The following LPP variants were observed in gnomAD, a reference collection of about 807,000 sequenced individuals.
LPP encodes the protein lipoma-preferred partner.
LPP carries 38 observed loss-of-function variants against 60.4 expected under a neutral mutation model. That is an observed-to-expected ratio of 0.63 (90% CI 0.49 to 0.83). The LOEUF (loss-of-function observed/expected upper bound fraction) is 0.83, where lower values mean the gene tolerates loss of function less well. Among genes scored for constraint, LPP ranks in the 40% least tolerant of loss-of-function variants. LPP has a pLI of 0.00. For synonymous variants in LPP, 328 were observed against 290.8 expected (o/e 1.13, Z -1.30); for missense variants, 902 against 783.6 (o/e 1.15, Z -1.80).
At chr3:188,255,306 A>T (rs1370513605) in intron 2 of LPP, among the ~76,000 whole-genome samples, 2 of 152,188 alleles carry the variant, frequency 1.3e-5, no homozygotes, top group Non-Finnish European at 2.9e-5. Flanking sequence ...GAGGAAACGG[A>T]GGCTCAGAGA....
chr3:188,354,851 G>A (rs1026651753), intron 3 of LPP, among the ~76,000 whole-genome samples: 10 of 45,354 alleles, frequency 2.2e-4, no homozygotes, highest in Middle Eastern at 0.011. Context: ...ACACACACAG[G>A]GAGGACAAAA....
intron 2 of LPP, chr3:188,240,292 C>T (rs756001765): frequency 6.0e-6 from 1 of 165,700 alleles, no homozygotes; most frequent in African/African-American, 2.4e-5. Flanking sequence ...TAGCTTACAG[C>T]TTGCCTAACA....
chr3:188,288,815 C>CT (rs1294372381), intron 2 of LPP, among the ~76,000 whole-genome samples: 2 of 44,162 alleles, frequency 4.5e-5, no homozygotes, highest in African/African-American at 3.7e-4. Context: ...CTCTCCACCC[C>CT]CCACCCCCCA....
Position 188,291,784 on chromosome 3 carries a change from G to T in LPP, c.-66-49879G>T, listed in dbSNP as rs1017063931. On this transcript the variant is annotated intron_variant, in intron 2 of 11. Transcript: ENST00000617246. ...ATCTCTATGATGTAGGCAAGGCAGG[G>T]TTTATCATTATTTCCCTTTTAGAAA... Among the ~76,000 whole-genome samples, 73 of 152,192 alleles carry T rather than the reference G, an allele frequency of 4.8e-4. 1 individual carries two copies. The highest frequency in any genetic ancestry group is 3.9e-4 in the East Asian group (2 of 5,188).
chr3:188,637,546 A>T (rs1323912536), intron 7 of LPP, among the ~76,000 whole-genome samples: 6 of 150,850 alleles, frequency 4.0e-5, no homozygotes, highest in Non-Finnish European at 8.9e-5. Context: ...ATACATAAAA[A>T]ACCCTTCAAA....
At chr3:188,433,248 C>T (rs1791398846) in intron 4 of LPP, among the ~76,000 whole-genome samples, 1 of 152,112 alleles carries the variant, frequency 6.6e-6, no homozygotes. Flanking sequence ...ATCACAACCA[C>T]CATTTCAAAG....
chr3:188,853,972 CA>C, intron 9 of LPP, among the ~76,000 whole-genome samples: 1 of 152,098 alleles, frequency 6.6e-6, no homozygotes, highest in East Asian at 1.9e-4. Flanking sequence ...CTTTTTCAAG[CA>C]GTGTGGGTTC....
chr3:188,670,958 T>C (rs1856838475), intron 7 of LPP, among the ~76,000 whole-genome samples: 1 of 152,216 alleles, frequency 6.6e-6, no homozygotes, highest in South Asian at 2.1e-4. Context: ...TGGGCAGTTA[T>C]AGGTTTCTAA....
At chr3:188,289,259 C>T (rs531816548) in intron 2 of LPP, among the ~76,000 whole-genome samples, 1 of 152,244 alleles carries the variant, frequency 6.6e-6, no homozygotes, top group African/African-American at 2.4e-5. Context: ...TACAGACTAG[C>T]TCAGACGTGG....
At chr3:188,501,179 A>G (rs960098646) in intron 5 of LPP, among the ~76,000 whole-genome samples, 1 of 152,004 alleles carries the variant, frequency 6.6e-6, no homozygotes, top group Non-Finnish European at 1.5e-5. Context: ...TTTAAATTTA[A>G]TGGTGTATAG....
chr3:188,416,042 C>A (rs1449584787), intron 4 of LPP, among the ~76,000 whole-genome samples: 1 of 151,788 alleles, frequency 6.6e-6, no homozygotes, highest in Non-Finnish European at 1.5e-5. Flanking sequence ...ATTTAGGGAA[C>A]CTGGGTAAAA....
chr3:188,799,093 A>T (rs540483227), intron 9 of LPP, among the ~76,000 whole-genome samples: 1 of 152,262 alleles, frequency 6.6e-6, no homozygotes, highest in Non-Finnish European at 1.5e-5. Flanking sequence ...ACTGCCTTTT[A>T]TCATGTTCTC....
chr3:188,814,468 T>C (rs1047502350), intron 9 of LPP, among the ~76,000 whole-genome samples: 1 of 152,210 alleles, frequency 6.6e-6, no homozygotes, highest in African/African-American at 2.4e-5. Context: ...GAAATGGCCC[T>C]AAGTTACAAC....
In LPP at chr3:188,878,129, T is replaced by G. The variant is rs1218764710; in HGVS notation, c.*3650T>G. 4.5e-6 allele frequency: 1 copy of G among 220,852 alleles called. No homozygotes were observed. The highest frequency in any genetic ancestry group is 9.1e-6 in the Non-Finnish European group (1 of 110,122). The allele number at this position is 220,852 out of a possible 1,614,324, so 13.7% of individuals were successfully genotyped here. A position where few individuals can be genotyped will look rare whatever the true frequency, so the allele number is the denominator to read the frequency against. ...TAGACAGGACTCTGAAAACACAACT[T>G]CCAGCCATTTTTTTAGTTAGTAAAA... On this transcript the variant is annotated 3_prime_UTR_variant, in exon 12 of 12. Coordinates refer to ENST00000617246, the MANE Select transcript of LPP (RefSeq NM_001375462.1).
chr3:188,496,396 G>T (rs139809376), intron 5 of LPP, among the ~76,000 whole-genome samples: 8 of 152,098 alleles, frequency 5.3e-5, no homozygotes, highest in Non-Finnish European at 1.0e-4. Flanking sequence ...CAAAGTGCTG[G>T]GATTACAGGC....
At chr3:188,707,759 C>G (rs929900210) in intron 7 of LPP, among the ~76,000 whole-genome samples, 1 of 152,092 alleles carries the variant, frequency 6.6e-6, no homozygotes, top group Non-Finnish European at 1.5e-5. Flanking sequence ...AAACTTCTAC[C>G]TGTATGTTTT....
intron 3 of LPP, among the ~76,000 whole-genome samples, chr3:188,390,758 A>AGTACTTTAAGTACTCAG (rs1779504187): frequency 6.6e-6 from 1 of 152,120 alleles, no homozygotes; most frequent in Non-Finnish European, 1.5e-5. Flanking sequence ...TTCTTTTACT[A>AGTACTTTAAGTACTCAG]TACCTATTGG....
At chr3:188,399,862 A>C (rs1414096574) in intron 3 of LPP, among the ~76,000 whole-genome samples, 1 of 152,226 alleles carries the variant, frequency 6.6e-6, no homozygotes, top group Non-Finnish European at 1.5e-5. Flanking sequence ...AAAAAAGGAA[A>C]ATATGACCAA....
intron 4 of LPP, among the ~76,000 whole-genome samples, chr3:188,427,209 T>C (rs776137787): frequency 6.6e-6 from 1 of 152,246 alleles, no homozygotes; most frequent in Non-Finnish European, 1.5e-5. Flanking sequence ...TCTTCACTTA[T>C]GAAGCTTAGT....
Sources: allele counts gnomAD v4.1 joint callset (sites outside exome capture counted in the v4.1 genomes callset), GRCh38; gene constraint gnomAD v4.1.1; transcripts MANE v1.5; gene names NCBI Gene and HGNC (gene_info 2026-07-23, HGNC 2026-07-21).